Variants in RALGAPA1 observed in about 807,000 individuals in gnomAD.
RALGAPA1 encodes Ral GTPase activating protein catalytic subunit alpha 1.
RALGAPA1 carries 52 observed loss-of-function variants against 269.6 expected under a neutral mutation model. The ratio of observed to expected loss-of-function variants is 0.19; its 90% confidence interval spans 0.15 to 0.24. The LOEUF (loss-of-function observed/expected upper bound fraction) is 0.24. Among genes scored for constraint, RALGAPA1 ranks in the 10% least tolerant of loss-of-function variants. The pLI, the probability that RALGAPA1 is intolerant of heterozygous loss-of-function variation, is 1.00. For synonymous variants in RALGAPA1, 817 were observed against 1,008.3 expected (o/e 0.81, Z 3.60); for missense variants, 1,917 against 3,013.9 (o/e 0.64, Z 8.52).
At chr14:35,572,531 T>A (rs191311630) in intron 38 of RALGAPA1, 29 bp downstream of exon 38, 1 of 1,556,174 alleles carries the variant, frequency 6.4e-7, no homozygotes, top group Admixed American at 1.9e-5. Context: ...CAAAATCTAT[T>A]ACTAAAATGG....
At chr14:35,691,639 T>C (rs1170804180) in intron 17 of RALGAPA1, among the ~76,000 whole-genome samples, 1 of 152,224 alleles carries the variant, frequency 6.6e-6, no homozygotes, top group East Asian at 1.9e-4. Context: ...CAAAGTATTT[T>C]TGGGATCCAT....
intron 36 of RALGAPA1, among the ~76,000 whole-genome samples, chr14:35,597,752 C>T (rs1408420931): frequency 6.6e-6 from 1 of 152,180 alleles, no homozygotes; most frequent in Admixed American, 6.5e-5. Flanking sequence ...CTGTTCTTCA[C>T]TTCTATAACT....
Position 35,752,014 on chromosome 14 carries a change from C to T in RALGAPA1, c.802+10G>A, listed in dbSNP as rs1290882427. On this transcript the variant is annotated intron_variant, in intron 8 of 41. Transcript: ENST00000680220. ...GTGTGATCTTTCAGAAAATTTCAAACATTACCTACCAAGTATAGGATGATA... is the reference window on the plus strand; with the variant it reads ...GTGTGATCTTTCAGAAAATTTCAAATATTACCTACCAAGTATAGGATGATA... 1.9e-6 allele frequency: 3 copies of T among 1,568,766 alleles called. No individual in the cohort carries two copies. The highest frequency in any genetic ancestry group is 4.6e-5 in the East Asian group (2 of 43,864).
chr14:35,653,420 T>C (rs1430850355), intron 30 of RALGAPA1, among the ~76,000 whole-genome samples: 1 of 152,132 alleles, frequency 6.6e-6, no homozygotes, highest in African/African-American at 2.4e-5. Context: ...AGCCAATCAC[T>C]GAAAGATGAG....
intron 39 of RALGAPA1, among the ~76,000 whole-genome samples, chr14:35,566,588 A>G (rs1343944631): frequency 1.3e-5 from 2 of 151,926 alleles, no homozygotes; most frequent in Non-Finnish European, 2.9e-5. Flanking sequence ...TTCTGTTGTA[A>G]TTTATGTTAA....
chr14:35,743,618 G>C (rs1033289916), intron 10 of RALGAPA1, among the ~76,000 whole-genome samples: 1 of 152,042 alleles, frequency 6.6e-6, no homozygotes, highest in Admixed American at 6.6e-5. Flanking sequence ...TGAGTAGCTT[G>C]AACTACAGGC....
chr14:35,543,030 A>G (rs916735028), intron 41 of RALGAPA1, among the ~76,000 whole-genome samples: 3 of 152,200 alleles, frequency 2.0e-5, no homozygotes, highest in African/African-American at 7.2e-5. Context: ...ATAAAATATT[A>G]TATCTTTAAA....
chr14:35,634,854 T>C (rs1594907286), intron 32 of RALGAPA1, 97 bp from the exon 33 acceptor site: 1 of 1,163,830 alleles, frequency 8.6e-7, no homozygotes, highest in Non-Finnish European at 1.2e-6. Context: ...CACAAGAGCC[T>C]GGCAAAGATT....
intron 31 of RALGAPA1, among the ~76,000 whole-genome samples, chr14:35,647,414 C>T (rs747458650): frequency 6.6e-6 from 1 of 152,162 alleles, no homozygotes; most frequent in Non-Finnish European, 1.5e-5. Context: ...GAATATCATA[C>T]ATGAGAAATG....
chr14:35,720,107 G>A (rs1339106240), intron 16 of RALGAPA1, among the ~76,000 whole-genome samples: 2 of 152,094 alleles, frequency 1.3e-5, no homozygotes, highest in Non-Finnish European at 1.5e-5. Flanking sequence ...ATAAAGTGAA[G>A]GAAGGCATTT....
chr14:35,584,749 T>C (rs1035751064), intron 37 of RALGAPA1, among the ~76,000 whole-genome samples: 4 of 151,592 alleles, frequency 2.6e-5, no homozygotes, highest in African/African-American at 4.8e-5. Context: ...AGAAAAAGTA[T>C]AAAAGACAAA....
At chr14:35,736,530 G>T (rs1567120875) in intron 12 of RALGAPA1, among the ~76,000 whole-genome samples, 1 of 152,078 alleles carries the variant, frequency 6.6e-6, no homozygotes, top group Non-Finnish European at 1.5e-5. Context: ...ATCAGTGAAA[G>T]AATCTGTTTT....
intron 5 of RALGAPA1, among the ~76,000 whole-genome samples, chr14:35,761,928 T>A (rs2073736467): frequency 6.6e-6 from 1 of 152,208 alleles, no homozygotes; most frequent in Non-Finnish European, 1.5e-5. Context: ...AAAGCACCTG[T>A]AATAATGTTA....
chr14:35,758,122 C>T (rs2073351977), intron 6 of RALGAPA1, among the ~76,000 whole-genome samples: 1 of 151,390 alleles, frequency 6.6e-6, no homozygotes, highest in African/African-American at 2.4e-5. Context: ...CGTGGTGGCA[C>T]ACGCCTGTAA....
intron 32 of RALGAPA1, 68 bp downstream of exon 32, chr14:35,635,396 G>C: frequency 2.1e-6 from 3 of 1,440,366 alleles, no homozygotes; most frequent in Non-Finnish European, 2.8e-6. Context: ...GTTATACTGA[G>C]AAATGTTATT....
intron 39 of RALGAPA1, among the ~76,000 whole-genome samples, chr14:35,554,130 T>TA (rs1306870000): frequency 6.6e-6 from 1 of 152,126 alleles, no homozygotes; most frequent in East Asian, 1.9e-4. Context: ...AGTTGTAACT[T>TA]AAAGTAGCTG....
chr14:35,781,625 C>T (rs894775021), intron 1 of RALGAPA1, among the ~76,000 whole-genome samples: 1 of 152,078 alleles, frequency 6.6e-6, no homozygotes, highest in Admixed American at 6.5e-5. Context: ...CACATACACA[C>T]ACACTCACTA....
At chr14:35,629,535 G>A (rs982157265) in intron 33 of RALGAPA1, among the ~76,000 whole-genome samples, 1 of 151,842 alleles carries the variant, frequency 6.6e-6, no homozygotes, top group African/African-American at 2.4e-5. Flanking sequence ...ATGGAGTCTC[G>A]CTCTGTCTCC....
intron 18 of RALGAPA1, among the ~76,000 whole-genome samples, chr14:35,687,176 T>A (rs1420213964): frequency 6.6e-6 from 1 of 152,172 alleles, no homozygotes; most frequent in Non-Finnish European, 1.5e-5. Flanking sequence ...GCTTTAAGAA[T>A]AAAAAGTTGA....
Sources: gnomAD v4.1 joint callset for allele counts (sites outside exome capture counted in the v4.1 genomes callset) on GRCh38, gnomAD v4.1.1 for gene constraint, MANE v1.5 for transcripts, NCBI Gene and HGNC (gene_info 2026-07-23, HGNC 2026-07-21) for gene names.